ARFGAP2: variants seen among roughly 807,000 people sequenced by gnomAD.
ARFGAP2 encodes ARF GTPase activating protein 2.
ARFGAP2 carries 45 observed loss-of-function variants against 71.9 expected under a neutral mutation model. The ratio of observed to expected loss-of-function variants is 0.63; its 90% CI spans 0.49 to 0.80. ARFGAP2 has a LOEUF of 0.80. ARFGAP2 is among the 30% of genes least tolerant of loss of function. The pLI, the probability that ARFGAP2 is intolerant of heterozygous loss-of-function variation, is 0.00. For synonymous variants in ARFGAP2, 248 were observed against 249.2 expected, an observed-to-expected ratio of 1.00 and a Z score of 0.05; for missense variants, 633 against 673.9, an observed-to-expected ratio of 0.94 and a Z score of 0.67.
chr11:47,171,295 A>G (rs1952588626), intron 10 of ARFGAP2, 131 bp downstream of exon 10: 2 of 1,445,676 alleles, frequency 1.4e-6, no homozygotes, highest in Non-Finnish European at 1.9e-6. Flanking sequence ...GGGACTTTAG[A>G]ACAATAAGCC....
At chr11:47,172,651 C>G (rs146939392) in intron 7 of ARFGAP2, 5 of 1,323,964 alleles carry the variant, frequency 3.8e-6, no homozygotes, top group Non-Finnish European at 5.0e-6. Flanking sequence ...CACCAGGCTC[C>G]GCTTCTAAAG....
chr11:47,167,181 CA>C (rs1952418671), intron 12 of ARFGAP2, among the ~76,000 whole-genome samples: 1 of 152,252 alleles, frequency 6.6e-6, no homozygotes, highest in Non-Finnish European at 1.5e-5. Context: ...GGAGGCCACA[CA>C]ACTGCTGCTA....
At chr11:47,172,613 G>C (rs1952648257) in intron 7 of ARFGAP2, 1 of 1,310,782 alleles carries the variant, frequency 7.6e-7, no homozygotes, top group Non-Finnish European at 1.0e-6. Flanking sequence ...CCAAAACAAA[G>C]ACTGCGAGGC....
In ARFGAP2 at chr11:47,175,234, C is replaced by G; in HGVS notation, c.344G>C (p.Arg115Pro). 1 of 1,614,158 alleles carries G rather than the reference C, an allele frequency of 6.2e-7. No individual in the cohort carries two copies. Among genetic ancestry groups the G allele is most frequent in the Non-Finnish European group, 8.5e-7 (1 of 1,180,030 alleles). Residue 115 changes from arginine to proline, a missense_variant, in exon 4 of 16, where the codon CGG becomes CCG. By Grantham distance (103) the Arg-to-Pro change is moderately radical. Transcript: ENST00000524782. Reference sequence around the variant, plus strand: ...ACTCCCCAGCTGCCGGATCTTCTCCCGGTACATCTGGGCAGCTCGGCTATT... The same window carrying G: ...ACTCCCCAGCTGCCGGATCTTCTCCGGGTACATCTGGGCAGCTCGGCTATT... ...KYNSRAAQMY[R>P]EKIRQLGSAA... is the part of the protein sequence containing the mutation.
intron 6 of ARFGAP2, 101 bp downstream of exon 6, chr11:47,173,658 G>A: frequency 6.9e-7 from 1 of 1,457,852 alleles, no homozygotes; most frequent in African/African-American, 1.4e-5. Flanking sequence ...CAAAGATACA[G>A]GAGGACCCCT....
intron 10 of ARFGAP2, among the ~76,000 whole-genome samples, chr11:47,169,007 C>T (rs537107802): frequency 4.9e-4 from 74 of 151,634 alleles, no homozygotes; most frequent in African/African-American, 1.7e-3. Context: ...TCTTCATCAT[C>T]CTACTCTTTA....
intron 1 of ARFGAP2, 35 bp downstream of exon 1, chr11:47,176,747 G>A (rs1185212120): frequency 3.1e-6 from 5 of 1,613,596 alleles, no homozygotes; most frequent in Non-Finnish European, 3.4e-6. Flanking sequence ...GGCCCCAGCG[G>A]GACGAGAGAC....
chr11:47,176,805 G>A lies in ARFGAP2; in HGVS notation c.49C>T (p.Leu17Phe). 6.2e-7 allele frequency: 1 copy of A among 1,614,126 alleles called. No individual in the cohort carries two copies. Among genetic ancestry groups the A allele is most frequent in the Non-Finnish European group, 8.5e-7 (1 of 1,180,026 alleles). Reference protein sequence around the residue: ...KTEIQTLFKRLRAVPTNKACF... With the variant: ...KTEIQTLFKRFRAVPTNKACF... ...ACCTTGTTGGTTGGAACTGCGCGAA[G>A]CCTCTTAAAAAGAGTCTGGATTTCG... The change falls in exon 1 of 16, where the codon CTT (leucine) becomes TTT (phenylalanine). Residue 17 changes from leucine to phenylalanine, a missense_variant. Transcript: ENST00000524782.
intron 15 of ARFGAP2, 34 bp from the exon 16 acceptor site, chr11:47,165,536 G>T: frequency 1.4e-6 from 2 of 1,439,484 alleles, no homozygotes; most frequent in Non-Finnish European, 9.4e-7. Flanking sequence ...AAAAAAAAAA[G>T]TCAGAGGCTC....
Position 47,172,399 on chromosome 11 carries a change from A to G in ARFGAP2, c.620-66T>C, listed in dbSNP as rs1268075208. On this transcript the variant is annotated intron_variant, in intron 7 of 15. Transcript: ENST00000524782. The stretch of plus-strand genomic sequence containing the variant: ...GCTCAGAGGCAGTAGCTCAGTATAC[A>G]CCATGCAGCTTCATGGCAAGAGCTC... 3.9e-6 allele frequency: 6 copies of G among 1,548,346 alleles called. No individual in the cohort carries two copies. The Admixed American group carries it at 1.0e-4, about 26-fold the overall frequency.
rs1293699453 is a variant in ARFGAP2 at position 47,165,506 on chromosome 11, G to A, written c.1546-4C>T. 5 of 1,549,676 alleles carry A rather than the reference G, an allele frequency of 3.2e-6. No individual in the cohort carries two copies. The highest frequency in any genetic ancestry group is 1.5e-5 in the African/African-American group (1 of 65,340). On this transcript the variant is annotated splice_polypyrimidine_tract_variant and splice_region_variant and intron_variant, in intron 15 of 15. Transcript: ENST00000524782. ...ATCAGTAGGAACCGTAGCGATCCTG[G>A]GGGCGAGGGGGGAGAAAAAAAAAAA...
At chr11:47,172,201 A>T (rs1475249072) in intron 8 of ARFGAP2, 80 bp downstream of exon 8, 2 of 1,366,226 alleles carry the variant, frequency 1.5e-6, no homozygotes, top group Non-Finnish European at 2.1e-6. Context: ...ATAGCTGGTA[A>T]GTGGTAAGGT....
intron 10 of ARFGAP2, chr11:47,168,473 T>C (rs1952475865): frequency 2.0e-6 from 1 of 507,326 alleles, no homozygotes; most frequent in Admixed American, 3.5e-5. Context: ...GCTTTGTTTA[T>C]TCCACGTAGG....
chr11:47,166,365 A>C lies in ARFGAP2; in HGVS notation c.1448T>G (p.Val483Gly). Reference sequence around the variant, plus strand: ...CTGGGCAATGTCCGCTGTAGGCAGCACGTTCCCCAGAGATACACTTCCTGT... The same window carrying C: ...CTGGGCAATGTCCGCTGTAGGCAGCCCGTTCCCCAGAGATACACTTCCTGT... ...HGAGSVSLGN[V>G]LPTADIAQFK... Residue 483 changes from valine to glycine, a missense_variant, in exon 15 of 16, where the codon GTG becomes GGG. Val to Gly is a moderately radical substitution (Grantham distance 109). Transcript: ENST00000524782. 6.2e-7 allele frequency: 1 copy of C among 1,614,194 alleles called. No individual in the cohort carries two copies. Among genetic ancestry groups the C allele is most frequent in the South Asian group, 1.1e-5 (1 of 91,088 alleles).
intron 10 of ARFGAP2, chr11:47,168,564 AG>A (rs1445282497): frequency 8.8e-6 from 2 of 228,448 alleles, no homozygotes; most frequent in Non-Finnish European, 1.8e-5. Context: ...TCTGTCGCCC[AG>A]GCTGGAGTCC....
rs1952634666 is a variant in ARFGAP2 at position 47,172,326 on chromosome 11, T to G, written c.627A>C (p.Lys209Asn). 3 of 1,614,094 alleles carry G rather than the reference T, an allele frequency of 1.9e-6. No individual in the cohort carries two copies. Among genetic ancestry groups the G allele is most frequent in the Non-Finnish European group, 2.5e-6 (3 of 1,180,004 alleles). Residue 209 changes from lysine to asparagine, a missense_variant, in exon 8 of 16, where the codon AAA becomes AAC. Lys to Asn is a moderately conservative substitution (Grantham distance 94). Coordinates refer to ENST00000524782, the MANE Select transcript of ARFGAP2 (RefSeq NM_032389.6). ...GCTTCTTCTTGCCAATGATGGAGCT[T>G]TTCAGTTCTGCGTGAGAAACGGGTA... The part of the protein sequence containing the change: ...GTSPKASLEL[K>N]SSIIGKKKPA...
At chr11:47,168,346 G>T in intron 10 of ARFGAP2, 95 bp from the exon 11 acceptor site, 1 of 1,541,720 alleles carries the variant, frequency 6.5e-7, no homozygotes. Flanking sequence ...TCTCCTTCAC[G>T]GAGCGTCACC....
At chr11:47,165,739 G>A (rs781017609) in intron 15 of ARFGAP2, among the ~76,000 whole-genome samples, 23 of 152,300 alleles carry the variant, frequency 1.5e-4, no homozygotes, top group Middle Eastern at 3.4e-3. Context: ...AGAAAGAGCG[G>A]TACAGGTGAC....
At chr11:47,167,276 C>T (rs1182652777) in intron 12 of ARFGAP2, among the ~76,000 whole-genome samples, 1 of 152,224 alleles carries the variant, frequency 6.6e-6, no homozygotes, top group African/African-American at 2.4e-5. Context: ...CTTGTCATAA[C>T]TATGAATAGC....
Sources: gnomAD v4.1 joint callset for allele counts (sites outside exome capture counted in the v4.1 genomes callset) on GRCh38, gnomAD v4.1.1 for gene constraint, MANE v1.5 for transcripts, NCBI Gene and HGNC (gene_info 2026-07-23, HGNC 2026-07-21) for gene names.